Variants in SLC35F1 observed in about 807,000 individuals in gnomAD.
The protein encoded by SLC35F1 is solute carrier family 35 member F1, also known as chromosome 6 open reading frame 169.
In SLC35F1, 14 loss-of-function variants were observed where a neutral mutation model predicts 48.7. That is an observed-to-expected ratio of 0.29 (90% CI 0.19 to 0.45). SLC35F1 has a LOEUF of 0.45. Among genes scored for constraint, SLC35F1 ranks in the 20% least tolerant of loss-of-function variants. The pLI is 1.00. For missense variants in SLC35F1, 404 were observed against 500.0 expected (o/e 0.81, Z 1.83); for synonymous variants, 190 against 202.2 (o/e 0.94, Z 0.51).
At chr6:118,286,805 TTG>T (rs3080003) in intron 7 of SLC35F1, among the ~76,000 whole-genome samples, 8 of 143,986 alleles carry the variant, frequency 5.6e-5, no homozygotes, top group Non-Finnish European at 9.1e-5. Flanking sequence ...GTGTGTGTGT[TTG>T]TGTGTGTGTG....
At chr6:118,311,013 G>A (rs1462364687) in intron 7 of SLC35F1, among the ~76,000 whole-genome samples, 1 of 152,078 alleles carries the variant, frequency 6.6e-6, no homozygotes, top group Non-Finnish European at 1.5e-5. Flanking sequence ...ATCCTTTCCT[G>A]TCTCTACCAC....
chr6:118,266,948 T>G, intron 3 of SLC35F1, 47 bp from the exon 4 acceptor site: 1 of 1,603,516 alleles, frequency 6.2e-7, no homozygotes, highest in Non-Finnish European at 8.5e-7. Flanking sequence ...CATGGAATGC[T>G]TCCTCCTGAA....
At chr6:118,254,540 C>T (rs964814755) in intron 3 of SLC35F1, among the ~76,000 whole-genome samples, 12 of 152,100 alleles carry the variant, frequency 7.9e-5, no homozygotes, top group Admixed American at 6.5e-4. Flanking sequence ...CCTCCATCTC[C>T]CAAAATGCTA....
intron 1 of SLC35F1, among the ~76,000 whole-genome samples, chr6:118,140,495 C>A (rs74612739): frequency 0.034 from 5,128 of 152,068 alleles, 114 homozygotes; most frequent in Non-Finnish European, 0.051. Flanking sequence ...TACAGTAATA[C>A]TTGTACTATA....
intron 1 of SLC35F1, among the ~76,000 whole-genome samples, chr6:117,976,621 T>G (rs1301440103): frequency 6.6e-6 from 1 of 152,188 alleles, no homozygotes; most frequent in Admixed American, 6.5e-5. Context: ...CTTGTACAGG[T>G]CTAAGCCTAT....
At chr6:118,013,792 CA>C (rs1379082065) in intron 1 of SLC35F1, among the ~76,000 whole-genome samples, 1 of 152,076 alleles carries the variant, frequency 6.6e-6, no homozygotes, top group Non-Finnish European at 1.5e-5. Context: ...CTGGGGTGGA[CA>C]AATCCATCCA....
intron 2 of SLC35F1, among the ~76,000 whole-genome samples, chr6:118,170,412 T>C (rs777681794): frequency 9.2e-5 from 14 of 152,188 alleles, no homozygotes; most frequent in African/African-American, 1.4e-4. Flanking sequence ...TCTGAGACTA[T>C]ATTTGAGGTG....
intron 1 of SLC35F1, among the ~76,000 whole-genome samples, chr6:118,115,362 C>A (rs1224049370): frequency 6.6e-6 from 1 of 152,174 alleles, no homozygotes; most frequent in Non-Finnish European, 1.5e-5. Flanking sequence ...AGGGAAATAA[C>A]AATACCAGCA....
At chr6:118,206,165 T>C (rs1260171178) in intron 2 of SLC35F1, among the ~76,000 whole-genome samples, 2 of 152,266 alleles carry the variant, frequency 1.3e-5, no homozygotes, top group African/African-American at 4.8e-5. Flanking sequence ...GATTAATTTA[T>C]CTTATGTATA....
At position 117,907,746 on chromosome 6, in the gene SLC35F1, C is replaced by G. The variant is rs769979433; in HGVS notation, c.20C>G (p.Pro7Arg). 6.5e-7 allele frequency: 1 copy of G among 1,540,768 alleles called. No individual in the cohort carries two copies. The change falls in exon 1 of 8, where the codon CCG becomes CGG. Residue 7 changes from proline to arginine, a missense_variant. By Grantham distance (103) the Pro-to-Arg change is moderately radical. Around this residue, in one of 2 missense-constraint regions of SLC35F1, gnomAD observed 98 missense variants for 81.0 expected, o/e 1.21. Coordinates refer to ENST00000360388, the MANE Select transcript of SLC35F1 (RefSeq NM_001029858.4). ...GCCGCGATGATCCCCCCTGAGCAGC[C>G]GCAGCAGCAGCTGCAGCCGCCGTCG... MIPPEQPQQQLQPPSPA... is the reference protein window; with the variant it reads MIPPEQRQQQLQPPSPA...
At chr6:118,241,915 T>C (rs958012415) in intron 3 of SLC35F1, among the ~76,000 whole-genome samples, 3 of 152,266 alleles carry the variant, frequency 2.0e-5, no homozygotes, top group African/African-American at 7.2e-5. Context: ...TGTTCTTTTT[T>C]ATTGTTGAGT....
At chr6:117,945,139 G>A (rs1479246807) in intron 1 of SLC35F1, among the ~76,000 whole-genome samples, 1 of 152,094 alleles carries the variant, frequency 6.6e-6, no homozygotes, top group Non-Finnish European at 1.5e-5. Flanking sequence ...CTCTTGGCAG[G>A]GCATTTGGAA....
intron 1 of SLC35F1, among the ~76,000 whole-genome samples, chr6:117,976,983 A>G (rs368803412): frequency 6.6e-6 from 1 of 152,184 alleles, no homozygotes; most frequent in South Asian, 2.1e-4. Flanking sequence ...TTTAACTGCA[A>G]TTTTAATGAC....
intron 1 of SLC35F1, among the ~76,000 whole-genome samples, chr6:118,132,563 TAG>T (rs1258588883): frequency 6.6e-6 from 1 of 152,206 alleles, no homozygotes; most frequent in Non-Finnish European, 1.5e-5. Flanking sequence ...GGAAAGCCTT[TAG>T]AGTGCATGGC....
chr6:118,081,777 T>G (rs745475629), intron 1 of SLC35F1, among the ~76,000 whole-genome samples: 2 of 152,218 alleles, frequency 1.3e-5, no homozygotes, highest in Non-Finnish European at 2.9e-5. Context: ...GTACCAAGCC[T>G]TCTAAATTTC....
chr6:118,001,495 T>C (rs1233408809), intron 1 of SLC35F1, among the ~76,000 whole-genome samples: 1 of 152,050 alleles, frequency 6.6e-6, no homozygotes, highest in East Asian at 1.9e-4. Flanking sequence ...ACCATAAAAA[T>C]CCTAGAAGAA....
intron 1 of SLC35F1, among the ~76,000 whole-genome samples, chr6:117,978,355 CTG>C (rs1041714781): frequency 6.6e-6 from 1 of 151,960 alleles, no homozygotes; most frequent in African/African-American, 2.4e-5. Flanking sequence ...TGTATGGAGT[CTG>C]TCACAGAGTC....
chr6:117,998,643 A>G (rs12212649), intron 1 of SLC35F1, among the ~76,000 whole-genome samples: 36,167 of 152,164 alleles, frequency 0.24, 4,425 homozygotes, highest in East Asian at 0.3. Context: ...ACTCAACTAC[A>G]TGGAAACTGA....
At chr6:117,958,283 T>A (rs1776452515) in intron 1 of SLC35F1, among the ~76,000 whole-genome samples, 1 of 152,140 alleles carries the variant, frequency 6.6e-6, no homozygotes, top group Non-Finnish European at 1.5e-5. Context: ...GTTAAAAAAA[T>A]TAAAAGTAAA....
Sources: allele counts gnomAD v4.1 joint callset (sites outside exome capture counted in the v4.1 genomes callset), GRCh38; gene constraint gnomAD v4.1.1; regional missense constraint gnomAD v4.1.1; transcripts MANE v1.5; gene names NCBI Gene and HGNC (gene_info 2026-07-23, HGNC 2026-07-21).